The following EFCAB11 variants were observed in gnomAD, a reference collection of about 807,000 sequenced individuals.
EFCAB11 encodes the protein EF-hand calcium-binding domain-containing protein 11.
A neutral mutation model predicts 23.0 loss-of-function variants in EFCAB11; 14 were observed. That is an observed-to-expected ratio of 0.61 (90% CI 0.40 to 0.95). The LOEUF is 0.95. Ranked by LOEUF, EFCAB11 falls within the 40% of genes least tolerant of loss-of-function variation. EFCAB11 has a pLI of 0.00. For missense variants in EFCAB11, 198 were observed against 195.8 expected (o/e 1.01, Z -0.07); for synonymous variants, 65 against 66.6 (o/e 0.98, Z 0.11).
At chr14:89,918,276 C>T (rs540019500) in intron 5 of EFCAB11, among the ~76,000 whole-genome samples, 29 of 152,210 alleles carry the variant, frequency 1.9e-4, no homozygotes, top group East Asian at 1.5e-3. Flanking sequence ...TGGTGGCTCA[C>T]GCCTGTAATC....
At chr14:89,832,870 C>G (rs1378048402) in intron 5 of EFCAB11, among the ~76,000 whole-genome samples, 1 of 152,140 alleles carries the variant, frequency 6.6e-6, no homozygotes, top group African/African-American at 2.4e-5. Flanking sequence ...AACGCTGAAC[C>G]ATCCTAAAAG....
At chr14:89,860,926 T>C (rs1276170575) in intron 5 of EFCAB11, among the ~76,000 whole-genome samples, 1 of 152,158 alleles carries the variant, frequency 6.6e-6, no homozygotes, top group Non-Finnish European at 1.5e-5. Flanking sequence ...GTAACACAAA[T>C]TCTTCTCCAT....
chr14:89,905,429 C>T (rs761946355), intron 5 of EFCAB11, among the ~76,000 whole-genome samples: 54 of 152,082 alleles, frequency 3.6e-4, no homozygotes, highest in Non-Finnish European at 6.5e-4. Context: ...AGTCAGGTGG[C>T]ACGTGCTTAG....
At chr14:89,844,493 T>G (rs1009424753) in intron 5 of EFCAB11, among the ~76,000 whole-genome samples, 2 of 152,224 alleles carry the variant, frequency 1.3e-5, no homozygotes, top group Admixed American at 1.3e-4. Flanking sequence ...CTGGCGGCCC[T>G]GGATCACATA....
intron 5 of EFCAB11, among the ~76,000 whole-genome samples, chr14:89,899,265 T>G (rs879435981): frequency 3.3e-5 from 5 of 152,130 alleles, no homozygotes; most frequent in Non-Finnish European, 7.4e-5. Flanking sequence ...TAAAATAACT[T>G]GAAACATAAT....
At chr14:89,845,846 G>A (rs1474370456) in intron 5 of EFCAB11, among the ~76,000 whole-genome samples, 2 of 152,132 alleles carry the variant, frequency 1.3e-5, no homozygotes, top group Admixed American at 6.5e-5. Flanking sequence ...CTGGACAGGG[G>A]CCCCAGGGTG....
intron 5 of EFCAB11, among the ~76,000 whole-genome samples, chr14:89,858,552 T>C (rs1887823327): frequency 6.6e-6 from 1 of 152,008 alleles, no homozygotes; most frequent in Non-Finnish European, 1.5e-5. Flanking sequence ...TGCAGTGGCG[T>C]GATCATGGCT....
intron 5 of EFCAB11, among the ~76,000 whole-genome samples, chr14:89,908,605 A>G (rs1889568073): frequency 6.6e-6 from 1 of 152,188 alleles, no homozygotes; most frequent in East Asian, 1.9e-4. Flanking sequence ...TCATTATGAT[A>G]TGCAAATATT....
At chr14:89,904,448 G>A (rs1184306666) in intron 5 of EFCAB11, among the ~76,000 whole-genome samples, 1 of 152,160 alleles carries the variant, frequency 6.6e-6, no homozygotes, top group Non-Finnish European at 1.5e-5. Context: ...GTGTGCATGT[G>A]TTTTTATCGT....
intron 3 of EFCAB11, among the ~76,000 whole-genome samples, chr14:89,934,370 G>T (rs190220241): frequency 6.6e-6 from 1 of 152,278 alleles, no homozygotes; most frequent in Admixed American, 6.5e-5. Flanking sequence ...AACTAGATGT[G>T]GCAGGTGAGA....
intron 5 of EFCAB11, among the ~76,000 whole-genome samples, chr14:89,835,907 C>T (rs145306793): frequency 0.029 from 4,447 of 152,120 alleles, 106 homozygotes; most frequent in South Asian, 0.1. Context: ...GGATTACAGG[C>T]GTGAGCCACT....
At chr14:89,853,612 C>T (rs888151948) in intron 5 of EFCAB11, among the ~76,000 whole-genome samples, 11 of 152,130 alleles carry the variant, frequency 7.2e-5, no homozygotes, top group Non-Finnish European at 1.5e-4. Context: ...CTTCACCTGC[C>T]ACACTGGCTC....
chr14:89,846,010 C>T (rs916477940), intron 5 of EFCAB11, among the ~76,000 whole-genome samples: 1 of 152,188 alleles, frequency 6.6e-6, no homozygotes, highest in African/African-American at 2.4e-5. Flanking sequence ...CCATCATTTA[C>T]AAGCTGAGTG....
chr14:89,904,475 G>A (rs1438702042), intron 5 of EFCAB11, among the ~76,000 whole-genome samples: 2 of 152,042 alleles, frequency 1.3e-5, no homozygotes, highest in African/African-American at 4.8e-5. Context: ...ATTTATAATC[G>A]TTTGGGTATA....
At chr14:89,845,144 C>T (rs1241139859) in intron 5 of EFCAB11, among the ~76,000 whole-genome samples, 2 of 152,206 alleles carry the variant, frequency 1.3e-5, no homozygotes, top group African/African-American at 4.8e-5. Flanking sequence ...TAAACATAAG[C>T]TAAAGAAATA....
At chr14:89,894,703 G>A (rs1257025546) in intron 5 of EFCAB11, among the ~76,000 whole-genome samples, 1 of 152,108 alleles carries the variant, frequency 6.6e-6, no homozygotes, top group East Asian at 1.9e-4. Context: ...GGATTGGAAC[G>A]GAAGAAATAA....
At chr14:89,931,739 A>G in intron 4 of EFCAB11, 108 bp from the exon 5 acceptor site, 1 of 824,966 alleles carries the variant, frequency 1.2e-6, no homozygotes, top group East Asian at 2.7e-5. Flanking sequence ...ACTAGGAGAA[A>G]AGCAGTAGTT....
intron 3 of EFCAB11, among the ~76,000 whole-genome samples, chr14:89,947,838 T>C (rs1193130074): frequency 6.6e-6 from 1 of 152,178 alleles, no homozygotes. Flanking sequence ...TTAAAATCTG[T>C]CTACAGGTTG....
intron 3 of EFCAB11, among the ~76,000 whole-genome samples, chr14:89,933,984 G>T (rs1890487556): frequency 6.6e-6 from 1 of 152,174 alleles, no homozygotes; most frequent in African/African-American, 2.4e-5. Flanking sequence ...CGAGGCTGTT[G>T]TGTGGCAAGG....
Sources: gnomAD v4.1 joint callset for allele counts (sites outside exome capture counted in the v4.1 genomes callset) on GRCh38, gnomAD v4.1.1 for gene constraint, MANE v1.5 for transcripts, NCBI Gene and HGNC (gene_info 2026-07-23, HGNC 2026-07-21) for gene names.